The following TLE3 variants were observed in gnomAD, a reference collection of about 807,000 sequenced individuals.
The protein encoded by TLE3 is transducin-like enhancer protein 3.
TLE3 carries 14 observed loss-of-function variants against 93.0 expected under a neutral mutation model. The observed-to-expected ratio is 0.15, with a 90% CI of 0.10 to 0.24. The LOEUF (loss-of-function observed/expected upper bound fraction) is 0.24. TLE3 is among the 10% of genes least tolerant of loss of function. The pLI is 1.00. For synonymous variants in TLE3, 451 were observed against 425.0 expected (o/e 1.06, Z -0.75); for missense variants, 693 against 1,046.6 (o/e 0.66, Z 4.66).
rs549955416 is a variant in TLE3 at position 70,059,021 on chromosome 15, T to C, written c.766-206A>G. ...GAGGGTGGAAGGATGGTCTTCCCAA[T>C]GTCAAACACAAGTTCAGGACTTCAA... On this transcript the variant is annotated intron_variant, in intron 10 of 19. Transcript: ENST00000451782. Among the ~76,000 whole-genome samples the C allele has an allele frequency of 2.1e-3, 327 of 152,318 alleles. 7 individuals carry two copies. The highest frequency in any genetic ancestry group is 5.0e-4 in the Non-Finnish European group (34 of 68,018).
At chr15:70,095,385 C>T (rs904648023) in intron 3 of TLE3, 193 bp downstream of exon 3, 1 of 1,459,118 alleles carries the variant, frequency 6.9e-7, no homozygotes, top group Non-Finnish European at 9.0e-7. Flanking sequence ...CCTCCCCTCA[C>T]TCACCCTCCT....
Position 70,057,451 on chromosome 15 carries a change from C to A in TLE3, c.1251+8G>T, listed in dbSNP as rs1327128997. ...GTCCCCAAGAAAGGAGCCAAAAGGT[C>A]TACGTACAGCTCCAAAGCTCACCAT... On this transcript the variant is annotated splice_region_variant and intron_variant, in intron 13 of 19. Transcript: ENST00000451782. The A allele has an allele frequency of 6.3e-7, 1 of 1,591,394 alleles. No individual in the cohort carries two copies. Among genetic ancestry groups the A allele is most frequent in the Admixed American group, 1.8e-5 (1 of 56,186 alleles).
intron 7 of TLE3, among the ~76,000 whole-genome samples, chr15:70,065,016 T>A (rs2056727863): frequency 6.6e-6 from 1 of 152,132 alleles, no homozygotes; most frequent in East Asian, 1.9e-4. Flanking sequence ...CCTCTGAAAC[T>A]GTGCCCAGCT....
intron 4 of TLE3, among the ~76,000 whole-genome samples, chr15:70,085,797 C>T (rs1327580048): frequency 6.6e-6 from 1 of 152,240 alleles, no homozygotes; most frequent in African/African-American, 2.4e-5. Flanking sequence ...TCCCCCATTT[C>T]TCTGGGATAA....
At chr15:70,085,486 T>C (rs2057999602) in intron 4 of TLE3, among the ~76,000 whole-genome samples, 1 of 152,232 alleles carries the variant, frequency 6.6e-6, no homozygotes, top group Non-Finnish European at 1.5e-5. Flanking sequence ...AAAGGGAGTT[T>C]GCCCAATATC....
intron 17 of TLE3, chr15:70,052,991 AGC>A: frequency 2.0e-6 from 1 of 511,726 alleles, no homozygotes; most frequent in South Asian, 3.0e-5. Flanking sequence ...GCTCAATAGC[AGC>A]AGAGAATGAA....
chr15:70,087,266 A>T (rs2058078279), intron 4 of TLE3, among the ~76,000 whole-genome samples: 1 of 152,026 alleles, frequency 6.6e-6, no homozygotes, highest in Admixed American at 6.6e-5. Flanking sequence ...CCCAACCCCA[A>T]TTTGAGAACA....
intron 6 of TLE3, among the ~76,000 whole-genome samples, chr15:70,072,899 A>G (rs1432939099): frequency 6.6e-6 from 1 of 152,210 alleles, no homozygotes; most frequent in Non-Finnish European, 1.5e-5. Flanking sequence ...TAAACATTAA[A>G]ATATCATGAT....
Position 70,066,230 on chromosome 15 carries a change from T to C in TLE3, c.373-12A>G. ...TGGAGCTGCTGCTGCTGCAATGAAG[T>C]CGGTGGTGAGTACAGCTGAGTTGGG... On this transcript the variant is annotated splice_polypyrimidine_tract_variant and intron_variant, in intron 6 of 19. Transcript: ENST00000451782. 2 of 1,517,920 alleles carry C rather than the reference T, an allele frequency of 1.3e-6. No homozygotes were observed. The highest frequency in any genetic ancestry group is 2.3e-5 in the East Asian group (1 of 42,720). 94.0% of individuals were successfully genotyped at this position (1,517,920 alleles called of 1,614,324 possible). A position where few individuals can be genotyped will look rare whatever the true frequency, so the allele number is the denominator to read the frequency against.
chr15:70,084,875 C>G (rs748802151), intron 4 of TLE3, among the ~76,000 whole-genome samples: 3 of 152,216 alleles, frequency 2.0e-5, no homozygotes, highest in Non-Finnish European at 4.4e-5. Flanking sequence ...GTGAGAATAC[C>G]TTGCTTCGGC....
intron 7 of TLE3, 41 bp downstream of exon 7, chr15:70,065,973 A>AACCCCGCCCCCCCCCCC: frequency 1.2e-6 from 1 of 806,252 alleles, no homozygotes; most frequent in Non-Finnish European, 2.1e-6. Flanking sequence ...GCCCATGCCC[A>AACCCCGCCCCCCCCCCC]CCCCTGCCCC....
chr15:70,095,785 G>C, intron 2 of TLE3, 144 bp from the exon 3 acceptor site: 10 of 958,216 alleles, frequency 1.0e-5, no homozygotes, highest in Non-Finnish European at 1.4e-5. Flanking sequence ...CTGGGGACGC[G>C]GGGGGATTTG....
At chr15:70,096,509 G>T in intron 1 of TLE3, 1 of 1,233,824 alleles carries the variant, frequency 8.1e-7, no homozygotes, top group Non-Finnish European at 1.1e-6. Context: ...CGGGAGACAA[G>T]CCGGGTGAGT....
chr15:70,094,369 G>C (rs944304192), intron 4 of TLE3, among the ~76,000 whole-genome samples, 163 bp downstream of exon 4: 2 of 151,792 alleles, frequency 1.3e-5, no homozygotes, highest in Admixed American at 1.3e-4. Flanking sequence ...AATCAGCAAA[G>C]CCTCAGACCT....
At position 70,097,508 on chromosome 15, in the gene TLE3, G is replaced by A. The variant is rs1292187946; in HGVS notation, c.-710C>T. The stretch of plus-strand genomic sequence containing the variant: ...TTCCCAGGGCCGGGGAGGAACTCCG[G>A]GCTCAGTAGGTGCAAATCAAACGCC... On this transcript the variant is annotated 5_prime_UTR_variant, in exon 1 of 20. Coordinates refer to ENST00000451782, the MANE Select transcript of TLE3 (RefSeq NM_001105192.3). The A allele has an allele frequency of 2.5e-6, 1 of 406,736 alleles. No individual in the cohort carries two copies. Among genetic ancestry groups the A allele is most frequent in the East Asian group, 3.5e-5 (1 of 28,254 alleles). 25.2% of individuals were successfully genotyped at this position (406,736 alleles called of 1,614,324 possible).
Position 70,054,670 on chromosome 15 carries a change from T to C in TLE3, c.1594A>G (p.Ile532Val). 6.3e-7 allele frequency: 1 copy of C among 1,599,526 alleles called. No homozygotes were observed. Among genetic ancestry groups the C allele is most frequent in the Non-Finnish European group, 8.5e-7 (1 of 1,170,496 alleles). ...QLDCLNRDNY[I>V]RSCKLLPDGR... ...TCAGGGAGCAGCTTGCAGGAGCGGATGTAATTGTCCCTGTTCTGGAGGGAG... is the reference window on the plus strand; with the variant it reads ...TCAGGGAGCAGCTTGCAGGAGCGGACGTAATTGTCCCTGTTCTGGAGGGAG... The change falls in exon 16 of 20, where the codon ATC (isoleucine) becomes GTC (valine). Residue 532 changes from isoleucine (I) to valine (V), a missense_variant. Around this residue, in one of 4 missense-constraint regions of TLE3, gnomAD observed 153 missense variants for 379.9 expected, o/e 0.40. Coordinates refer to ENST00000451782, the MANE Select transcript of TLE3 (RefSeq NM_001105192.3).
chr15:70,086,132 G>C (rs1039469628), intron 4 of TLE3, among the ~76,000 whole-genome samples: 1 of 152,154 alleles, frequency 6.6e-6, no homozygotes, highest in South Asian at 2.1e-4. Flanking sequence ...TGCTGCTTCT[G>C]AGCCCTCTGA....
rs1264365914 is a variant in TLE3, at chr15:70,097,233, AG to A, written c.-436del. The A allele has an allele frequency of 7.5e-6, 3 of 400,400 alleles. No individual in the cohort carries two copies. The highest frequency in any genetic ancestry group is 3.6e-5 in the East Asian group (1 of 27,532). The allele number at this position is 400,400 out of a possible 1,614,324, so 24.8% of individuals were successfully genotyped here. On this transcript the variant is annotated 5_prime_UTR_variant, in exon 1 of 20. The change abolishes the stop of an existing upstream ORF in the 5' untranslated region. Transcript: ENST00000451782. ...GGGTCACTCAGCGGGTCGCGCCTGTAGGGGGGCGCGCCGGGGCAGCCCCAAG... is the reference window on the plus strand; with the variant it reads ...GGGTCACTCAGCGGGTCGCGCCTGTAGGGGGCGCGCCGGGGCAGCCCCAAG...
chr15:70,056,196 C>G, intron 14 of TLE3, 102 bp downstream of exon 14: 1 of 1,301,588 alleles, frequency 7.7e-7, no homozygotes, highest in Non-Finnish European at 1.1e-6. Flanking sequence ...TGCACCAGGG[C>G]AAACCCTTGG....
Sources: gnomAD v4.1 joint callset for allele counts (sites outside exome capture counted in the v4.1 genomes callset) on GRCh38, gnomAD v4.1.1 for gene constraint, gnomAD v4.1.1 regional missense constraint, MANE v1.5 for transcripts, NCBI Gene and HGNC (gene_info 2026-07-23, HGNC 2026-07-21) for gene names.